Variants in PBX1 observed in about 807,000 individuals in gnomAD.
The protein encoded by PBX1 is pre-B-cell leukemia transcription factor 1.
PBX1 carries 6 observed loss-of-function variants against 53.4 expected under a neutral mutation model. The observed-to-expected ratio is 0.11, with a 90% CI of 0.06 to 0.22. PBX1 has a LOEUF of 0.22. Among genes scored for constraint, PBX1 ranks in the 10% least tolerant of loss-of-function variants. The pLI is 1.00. For synonymous variants in PBX1, 204 were observed against 212.3 expected (o/e 0.96, Z 0.34); for missense variants, 251 against 551.4 (o/e 0.46, Z 5.46).
rs573133270 is a variant in PBX1 at position 164,712,450 on chromosome 1, G to T, written c.266-80044G>T. ...ATAACAGGCTGTTAGCAGCCTTATCGCTCGGGAGAGATAGGCCAAAATAAG... is the reference window on the plus strand; with the variant it reads ...ATAACAGGCTGTTAGCAGCCTTATCTCTCGGGAGAGATAGGCCAAAATAAG... On this transcript the variant is annotated intron_variant, in intron 2 of 8. Coordinates refer to ENST00000420696, the MANE Select transcript of PBX1 (RefSeq NM_002585.4). Among the ~76,000 whole-genome samples, 10 of 152,316 alleles carry T rather than the reference G, an allele frequency of 6.6e-5. No individual in the cohort carries two copies. In the South Asian group the frequency reaches 1.2e-3, roughly 19 times the overall value.
intron 8 of PBX1, among the ~76,000 whole-genome samples, chr1:164,836,377 G>A (rs1270312604): frequency 6.6e-6 from 1 of 151,984 alleles, no homozygotes; most frequent in Non-Finnish European, 1.5e-5. Flanking sequence ...TCTTTAAAAA[G>A]AAAAAAATTA....
downstream of PBX1, among the ~76,000 whole-genome samples, chr1:164,855,683 C>T (rs928807819): frequency 2.0e-5 from 3 of 152,142 alleles, no homozygotes; most frequent in African/African-American, 4.8e-5. Flanking sequence ...ACAGAGAGCA[C>T]GTGAGAAAGC....
chr1:164,799,598 G>A (rs750901211), intron 3 of PBX1, 101 bp from the exon 4 acceptor site: 9 of 1,025,390 alleles, frequency 8.8e-6, no homozygotes, highest in Non-Finnish European at 1.3e-5. Context: ...TTCTTTATTT[G>A]CACAAGTCTC....
intron 2 of PBX1, among the ~76,000 whole-genome samples, chr1:164,885,436 G>T (rs1672755180): frequency 6.6e-6 from 1 of 152,186 alleles, no homozygotes; most frequent in Non-Finnish European, 1.5e-5. Flanking sequence ...ACCAGTCTCA[G>T]CTCAGCCATT....
chr1:164,809,767 C>G (rs1571449491), intron 5 of PBX1, among the ~76,000 whole-genome samples: 1 of 152,100 alleles, frequency 6.6e-6, no homozygotes, highest in Non-Finnish European at 1.5e-5. Context: ...CCCATACACC[C>G]AAATCCATCT....
intron 2 of PBX1, among the ~76,000 whole-genome samples, chr1:164,775,939 A>C (rs530182263): frequency 6.6e-6 from 1 of 152,292 alleles, no homozygotes; most frequent in Non-Finnish European, 1.5e-5. Context: ...CAAAAGGCTT[A>C]ATTGTGATGA....
At chr1:164,589,482 T>TCA (rs1019199511) in intron 2 of PBX1, among the ~76,000 whole-genome samples, 9 of 152,124 alleles carry the variant, frequency 5.9e-5, no homozygotes, top group African/African-American at 2.2e-4. Context: ...ATATAAGGGT[T>TCA]CACCTTTTGG....
At chr1:164,585,751 A>G (rs982850719) in intron 2 of PBX1, among the ~76,000 whole-genome samples, 2 of 152,294 alleles carry the variant, frequency 1.3e-5, no homozygotes, top group South Asian at 2.1e-4. Flanking sequence ...TGACTTGGGC[A>G]TCTTGGCAGC....
intron 1 of PBX1, chr1:164,560,474 T>C (rs1467817049): frequency 6.3e-6 from 2 of 317,376 alleles, no homozygotes; most frequent in African/African-American, 4.3e-5. Flanking sequence ...TTTAGTTGAC[T>C]CCTTACCTAA....
Position 164,736,754 on chromosome 1 carries a change from G to A in PBX1, c.266-55740G>A, listed in dbSNP as rs148545039. On this transcript the variant is annotated intron_variant, in intron 2 of 8. Coordinates refer to ENST00000420696, the MANE Select transcript of PBX1 (RefSeq NM_002585.4). ...GCAAAACAGGATGGAAAGAAAGGGGGAAGGAGAGAGAACATGCATAAAAAT... is the reference window on the plus strand; with the variant it reads ...GCAAAACAGGATGGAAAGAAAGGGGAAAGGAGAGAGAACATGCATAAAAAT... Among the ~76,000 whole-genome samples, 101 of 152,244 alleles carry A rather than the reference G, an allele frequency of 6.6e-4. No individual in the cohort carries two copies. The East Asian group carries it at 0.018, about 27-fold the overall frequency.
chr1:164,768,663 G>A (rs1482076081), intron 2 of PBX1, among the ~76,000 whole-genome samples: 2 of 152,168 alleles, frequency 1.3e-5, no homozygotes, highest in South Asian at 2.1e-4. Context: ...AATTGACAGA[G>A]AAGCATATCA....
intron 3 of PBX1, among the ~76,000 whole-genome samples, chr1:164,798,877 A>AT (rs1668916309): frequency 6.6e-6 from 1 of 152,240 alleles, no homozygotes. Context: ...TAAAACTTGA[A>AT]ACAGAAATAG....
In PBX1 at chr1:164,752,793, C is replaced by T. The variant is rs757987746; in HGVS notation, c.266-39701C>T. Reference sequence around the variant, plus strand: ...TGCAGTGATCCACATGGAATCTGCACGCTTTGGCCTGTCATTGGGGTAAGG... The same window carrying T: ...TGCAGTGATCCACATGGAATCTGCATGCTTTGGCCTGTCATTGGGGTAAGG... On this transcript the variant is annotated intron_variant, in intron 2 of 8. Transcript: ENST00000420696. Among the ~76,000 whole-genome samples the T allele has an allele frequency of 3.3e-5, 5 of 152,228 alleles. No homozygotes were observed. In the East Asian group the frequency reaches 5.8e-4, roughly 18 times the overall value.
intron 8 of PBX1, among the ~76,000 whole-genome samples, chr1:164,837,939 T>C (rs528796243): frequency 6.6e-5 from 10 of 152,284 alleles, no homozygotes; most frequent in African/African-American, 2.4e-4. Context: ...TCAGATCCCT[T>C]ATATGGCATT....
chr1:164,628,446 G>C (rs999999150), intron 2 of PBX1, among the ~76,000 whole-genome samples: 1 of 152,122 alleles, frequency 6.6e-6, no homozygotes, highest in Non-Finnish European at 1.5e-5. Flanking sequence ...TAATAAATTA[G>C]CTGTGGAGTC....
chr1:164,702,243 G>C (rs1197431753), intron 2 of PBX1, among the ~76,000 whole-genome samples: 1 of 151,938 alleles, frequency 6.6e-6, no homozygotes, highest in Non-Finnish European at 1.5e-5. Context: ...GCCTGAACTG[G>C]GCATGGAGAA....
At chr1:164,645,823 A>C (rs1392634284) in intron 2 of PBX1, among the ~76,000 whole-genome samples, 1 of 152,218 alleles carries the variant, frequency 6.6e-6, no homozygotes, top group Non-Finnish European at 1.5e-5. Context: ...AAAGTTTTTC[A>C]GTGATTTTTT....
At chr1:164,704,493 G>T (rs1663312590) in intron 2 of PBX1, among the ~76,000 whole-genome samples, 1 of 152,154 alleles carries the variant, frequency 6.6e-6, no homozygotes, top group Admixed American at 6.5e-5. Flanking sequence ...TTGTGCTCAA[G>T]AATTCGGAGC....
intron 2 of PBX1, among the ~76,000 whole-genome samples, chr1:164,586,680 T>TA (rs1182855816): frequency 6.6e-6 from 1 of 152,186 alleles, no homozygotes; most frequent in African/African-American, 2.4e-5. Context: ...CAATTGCTTA[T>TA]AAAATCAAAG....
Sources: gnomAD v4.1 joint callset for allele counts (sites outside exome capture counted in the v4.1 genomes callset) on GRCh38, gnomAD v4.1.1 for gene constraint, MANE v1.5 for transcripts, NCBI Gene and HGNC (gene_info 2026-07-23, HGNC 2026-07-21) for gene names.